The following DPP6 variants were observed in gnomAD, a reference collection of about 807,000 sequenced individuals.
DPP6 encodes dipeptidyl peptidase like 6, also known as A-type potassium channel modulatory protein DPP6.
Under a neutral mutation model 122.6 loss-of-function variants are expected in DPP6, and 69 were observed. The ratio of observed to expected loss-of-function variants is 0.56; its 90% CI spans 0.46 to 0.69. DPP6 has a LOEUF of 0.69. DPP6 is among the 30% of genes least tolerant of loss of function. The pLI, the probability that DPP6 is intolerant of heterozygous loss-of-function variation, is 0.00. For synonymous variants in DPP6, 418 were observed against 433.1 expected (o/e 0.97, Z 0.43); for missense variants, 928 against 1,116.9 (o/e 0.83, Z 2.41).
At chr7:154,017,727 TAAAA>T (rs61261080) in intron 1 of DPP6, among the ~76,000 whole-genome samples, 5 of 109,452 alleles carry the variant, frequency 4.6e-5, no homozygotes, top group African/African-American at 1.1e-4. Context: ...AATAAAAAAA[TAAAA>T]AAAAAAAAAA....
intron 3 of DPP6, among the ~76,000 whole-genome samples, chr7:154,477,873 G>T (rs1405554259): frequency 3.9e-5 from 6 of 152,180 alleles, no homozygotes; most frequent in Non-Finnish European, 8.8e-5. Flanking sequence ...TTCTCCCTCT[G>T]TAAATGTACA....
At chr7:154,127,719 A>G (rs868339651) in intron 1 of DPP6, among the ~76,000 whole-genome samples, 7 of 149,738 alleles carry the variant, frequency 4.7e-5, no homozygotes, top group South Asian at 2.1e-4. Flanking sequence ...ATTCTTTCCA[A>G]TGGCATCGTT....
intron 3 of DPP6, among the ~76,000 whole-genome samples, chr7:154,535,264 G>T (rs1487685692): frequency 6.6e-6 from 1 of 151,872 alleles, no homozygotes; most frequent in Admixed American, 6.6e-5. Flanking sequence ...AAAATTATTA[G>T]AATTCTAAAA....
chr7:154,535,845 G>A (rs185206366), intron 3 of DPP6, among the ~76,000 whole-genome samples: 1 of 152,108 alleles, frequency 6.6e-6, no homozygotes, highest in Non-Finnish European at 1.5e-5. Context: ...TGCTAGAGTG[G>A]CTAATGTTTA....
intron 1 of DPP6, among the ~76,000 whole-genome samples, chr7:154,325,021 T>C (rs763129432): frequency 6.6e-6 from 1 of 152,012 alleles, no homozygotes; most frequent in Admixed American, 6.6e-5. Flanking sequence ...TGTACCACCA[T>C]GCTTGGCTAA....
intron 1 of DPP6, among the ~76,000 whole-genome samples, chr7:154,393,977 T>C (rs576745039): frequency 1.3e-5 from 2 of 152,182 alleles, no homozygotes; most frequent in Non-Finnish European, 2.9e-5. Flanking sequence ...GTGTCTGAAT[T>C]TCCCTCAATT....
chr7:154,038,221 A>G (rs905419179), intron 1 of DPP6, among the ~76,000 whole-genome samples: 1 of 146,374 alleles, frequency 6.8e-6, no homozygotes, highest in African/African-American at 2.7e-5. Context: ...CGTGACAAAC[A>G]CTGGTTATGA....
chr7:154,146,422 A>G (rs544372667), intron 1 of DPP6, among the ~76,000 whole-genome samples: 1 of 149,630 alleles, frequency 6.7e-6, no homozygotes, highest in African/African-American at 2.4e-5. Context: ...ACCTAACAAA[A>G]TGTTTTAAAG....
At chr7:154,214,195 A>C (rs1267869471) in intron 1 of DPP6, among the ~76,000 whole-genome samples, 1 of 152,242 alleles carries the variant, frequency 6.6e-6, no homozygotes, top group Non-Finnish European at 1.5e-5. Flanking sequence ...TAGGTTCAGA[A>C]TGATGGGGAT....
At chr7:154,701,430 G>A (rs207468859) in intron 7 of DPP6, among the ~76,000 whole-genome samples, 3 of 152,200 alleles carry the variant, frequency 2.0e-5, no homozygotes, top group Non-Finnish European at 2.9e-5. Context: ...ATTTCTCCAC[G>A]TGTTTTGATT....
At chr7:154,336,785 G>C (rs1046765303) in intron 1 of DPP6, among the ~76,000 whole-genome samples, 1 of 152,120 alleles carries the variant, frequency 6.6e-6, no homozygotes, top group African/African-American at 2.4e-5. Context: ...GGAAGTGGTC[G>C]GAGTGGGGAA....
At chr7:154,584,511 C>T (rs982553212) in intron 5 of DPP6, among the ~76,000 whole-genome samples, 2 of 152,252 alleles carry the variant, frequency 1.3e-5, no homozygotes, top group Non-Finnish European at 2.9e-5. Context: ...ATATCCGACC[C>T]ATTGCAAAAT....
intron 1 of DPP6, among the ~76,000 whole-genome samples, chr7:154,109,948 A>G (rs1221944910): frequency 7.0e-6 from 1 of 142,460 alleles, no homozygotes; most frequent in Non-Finnish European, 1.5e-5. Context: ...ATTGGGGTGC[A>G]GGGTGGGGGA....
At chr7:154,290,906 T>C (rs1318317771) in intron 1 of DPP6, among the ~76,000 whole-genome samples, 3 of 152,166 alleles carry the variant, frequency 2.0e-5, no homozygotes, top group Non-Finnish European at 2.9e-5. Flanking sequence ...TGGATAGACC[T>C]TCCCCAGTGT....
intron 16 of DPP6, chr7:154,838,498 C>A (rs1212315031): frequency 1.3e-5 from 2 of 152,198 alleles, no homozygotes; most frequent in Non-Finnish European, 2.9e-5. Flanking sequence ...AAACAAATTG[C>A]ACCAAGAGCC....
chr7:154,260,286 T>G (rs1802927940), intron 1 of DPP6, among the ~76,000 whole-genome samples: 1 of 152,254 alleles, frequency 6.6e-6, no homozygotes, highest in Admixed American at 6.5e-5. Flanking sequence ...TCGGATTCAC[T>G]TTTTAAAAAA....
chr7:154,418,331 A>C (rs1817196638), intron 1 of DPP6, among the ~76,000 whole-genome samples: 1 of 152,256 alleles, frequency 6.6e-6, no homozygotes, highest in Non-Finnish European at 1.5e-5. Flanking sequence ...ACAAGATTGT[A>C]AATTTTGAAT....
At chr7:154,665,312 T>C (rs1456737221) in intron 6 of DPP6, among the ~76,000 whole-genome samples, 1 of 152,204 alleles carries the variant, frequency 6.6e-6, no homozygotes, top group East Asian at 1.9e-4. Flanking sequence ...CCACTGTAAA[T>C]TTGATGATTT....
intron 3 of DPP6, among the ~76,000 whole-genome samples, chr7:154,539,599 T>G (rs1828551353): frequency 6.6e-6 from 1 of 151,760 alleles, no homozygotes; most frequent in Admixed American, 6.6e-5. Flanking sequence ...ACCTGCATGT[T>G]GTGCACATGT....
Sources: allele counts gnomAD v4.1 joint callset (sites outside exome capture counted in the v4.1 genomes callset), GRCh38; gene constraint gnomAD v4.1.1; transcripts MANE v1.5; gene names NCBI Gene and HGNC (gene_info 2026-07-23, HGNC 2026-07-21).